RHBDF1: variants seen among roughly 807,000 people sequenced by gnomAD.
RHBDF1 encodes inactive rhomboid protein 1.
Under a neutral mutation model 98.6 loss-of-function variants are expected in RHBDF1, and 80 were observed. The ratio of observed to expected loss-of-function variants is 0.81; its 90% confidence interval spans 0.68 to 0.98. The LOEUF is 0.98. RHBDF1 is among the 50% of genes least tolerant of loss of function. RHBDF1 has a pLI of 0.00. For missense variants in RHBDF1, 1,116 were observed against 1,198.3 expected (o/e 0.93, Z 1.01); for synonymous variants, 512 against 486.8 (o/e 1.05, Z -0.68).
rs1407641863 is a variant in RHBDF1, at chr16:58,450, C to T, written c.2458G>A (p.Val820Ile). 1.2e-6 allele frequency: 2 copies of T among 1,614,078 alleles called. No homozygotes were observed. Among genetic ancestry groups the T allele is most frequent in the African/African-American group, 1.3e-5 (1 of 75,056 alleles). The change falls in exon 18 of 18, where the codon GTC (valine) becomes ATC (isoleucine). Residue 820 changes from valine (V) to isoleucine (I), a missense_variant. Physicochemically the swap from Val to Ile is conservative, Grantham distance 29. Coordinates refer to ENST00000262316, the MANE Select transcript of RHBDF1 (RefSeq NM_022450.5). ...VFLGLLAGLVVLFYVYPVRCE... is the reference protein window; with the variant it reads ...VFLGLLAGLVILFYVYPVRCE... ...CGGACAGGATAGACGTAGAAGAGGA[C>T]CACCAGGCCAGCCAGGAGGCCCAGG... is the stretch of plus-strand genomic sequence containing the variant.
In RHBDF1 at chr16:60,440, T is replaced by G. The variant is rs1441787817; in HGVS notation, c.1657A>C (p.Arg553=). 2 of 1,611,808 alleles carry G rather than the reference T, an allele frequency of 1.2e-6. No individual in the cohort carries two copies. Among genetic ancestry groups the G allele is most frequent in the African/African-American group, 1.3e-5 (1 of 74,920 alleles). The part of the protein sequence containing the change: ...QFGSVCHQDP[R]VCDEPSSEDP... ...GAGAGAGCTGCCGGCAGGACTAACC[T>G]GGGATCCTGGTGGCAGACAGAGCCA... is the stretch of plus-strand genomic sequence containing the variant. The change falls in exon 12 of 18, where the codon AGG becomes CGG. Residue 553 remains arginine (R), a splice_region_variant and synonymous_variant. Transcript: ENST00000262316.
chr16:63,142 G>C lies in RHBDF1; in HGVS notation c.503C>G (p.Ala168Gly), dbSNP rs763719641. Residue 168 changes from alanine (A) to glycine (G), a missense_variant, in exon 5 of 18, where the codon GCA (alanine) becomes GGA (glycine). Transcript: ENST00000262316. ...PLARGRAFRV[A>G]DDTAEGLSAP... The stretch of plus-strand genomic sequence containing the variant: ...ACTCAGGCCTTCCGCAGTGTCATCT[G>C]CCACACGGAAGGCACGGCCACGGGC... 37 of 1,596,666 alleles carry C rather than the reference G, an allele frequency of 2.3e-5. No individual in the cohort carries two copies. Among genetic ancestry groups the C allele is most frequent in the Non-Finnish European group, 2.9e-5 (34 of 1,172,642 alleles).
Position 59,792 on chromosome 16 carries a change from T to C in RHBDF1, c.1757A>G (p.Asn586Ser), listed in dbSNP as rs778440891. 6.2e-7 allele frequency: 1 copy of C among 1,614,102 alleles called. No homozygotes were observed. Among genetic ancestry groups the C allele is most frequent in the Admixed American group, 1.7e-5 (1 of 60,012 alleles). The change falls in exon 14 of 18, where the codon AAC becomes AGC. Residue 586 changes from asparagine (N) to serine (S), a missense_variant. Coordinates refer to ENST00000262316, the MANE Select transcript of RHBDF1 (RefSeq NM_022450.5). ...CTKNSAGNHT[N>S]HPHMDCVITG... ...GATGACACAGTCCATGTGGGGATGGTTGGTGTGGTTCCCAGCGCTGTTTTT... is the reference window on the plus strand; with the variant it reads ...GATGACACAGTCCATGTGGGGATGGCTGGTGTGGTTCCCAGCGCTGTTTTT...
chr16:61,339 C>A (rs1897611191), intron 10 of RHBDF1, 46 bp downstream of exon 10: 4 of 1,545,028 alleles, frequency 2.6e-6, no homozygotes. Context: ...CGCCGGGCAC[C>A]TCCAGGTCCC....
At position 64,050 on chromosome 16, in the gene RHBDF1, C is replaced by T. The variant is rs532540244; in HGVS notation, c.249-250G>A. Reference sequence around the variant, plus strand: ...TTGAGTGCTTCATAGAGGCCCTCACCCCACCATCCCTGAGGGGCAGTTGAG... The same window carrying T: ...TTGAGTGCTTCATAGAGGCCCTCACTCCACCATCCCTGAGGGGCAGTTGAG... On this transcript the variant is annotated intron_variant, in intron 3 of 17. Coordinates refer to ENST00000262316, the MANE Select transcript of RHBDF1 (RefSeq NM_022450.5). 54 of 665,290 alleles carry T rather than the reference C, an allele frequency of 8.1e-5. 1 individual carries two copies. Among genetic ancestry groups the T allele is most frequent in the South Asian group, 4.7e-4 (27 of 57,858 alleles). 41.2% of individuals were successfully genotyped at this position (665,290 alleles called of 1,614,324 possible).
Position 61,595 on chromosome 16 carries a change from G to A in RHBDF1, c.1310C>T (p.Thr437Met), listed in dbSNP as rs768507493. The A allele has an allele frequency of 3.1e-6, 5 of 1,613,308 alleles. No individual in the cohort carries two copies. The highest frequency in any genetic ancestry group is 3.3e-5 in the Admixed American group (2 of 60,030). ...GGCACAGGGGCTCACCGAGTCCACC[G>A]TCTCATGCTGCGAGAAGCCCACGGG... ...IAPVGFSQHE[T>M]VDSVLRNRGV... is the part of the protein sequence containing the mutation. The change falls in exon 9 of 18, where the codon ACG (threonine) becomes ATG (methionine). Residue 437 changes from threonine (T) to methionine (M), a missense_variant. Coordinates refer to ENST00000262316, the MANE Select transcript of RHBDF1 (RefSeq NM_022450.5).
At chr16:73,680 T>C (rs2141876156), upstream of RHBDF1, among the ~76,000 whole-genome samples, 1 of 152,164 alleles carries the variant, frequency 6.6e-6, no homozygotes, top group Non-Finnish European at 1.5e-5. Flanking sequence ...GATCCCTTCG[T>C]CCCATGGGTC....
chr16:61,067 G>A, intron 11 of RHBDF1, 53 bp downstream of exon 11: 2 of 1,498,462 alleles, frequency 1.3e-6, no homozygotes, highest in East Asian at 2.5e-5. Context: ...TCTGAGGTCT[G>A]AAGAGCGAAC....
chr16:58,823 T>C, intron 17 of RHBDF1, 64 bp from the exon 18 acceptor site: 1 of 1,569,376 alleles, frequency 6.4e-7, no homozygotes, highest in Non-Finnish European at 8.7e-7. Flanking sequence ...ACCCAAGGCC[T>C]CATCTTTCTG....
At chr16:66,466 G>C (rs529656079) in intron 1 of RHBDF1, among the ~76,000 whole-genome samples, 54 of 152,266 alleles carry the variant, frequency 3.5e-4, no homozygotes, top group Middle Eastern at 3.4e-3. Flanking sequence ...GCCAGCCAGG[G>C]ACAGGCCTGG....
At chr16:71,585 C>G (rs1353393557) in intron 1 of RHBDF1, among the ~76,000 whole-genome samples, 1 of 152,232 alleles carries the variant, frequency 6.6e-6, no homozygotes, top group Non-Finnish European at 1.5e-5. Flanking sequence ...GTCCCGTTGG[C>G]GGGTGGGAGT....
upstream of RHBDF1, among the ~76,000 whole-genome samples, chr16:76,072 G>A (rs1898081997): frequency 6.6e-6 from 1 of 152,174 alleles, no homozygotes; most frequent in South Asian, 2.1e-4. Context: ...GGCCTATTGT[G>A]GAGGTCGGGG....
chr16:59,781 T>C lies in RHBDF1; in HGVS notation c.1768A>G (p.Met590Val), dbSNP rs780636761. The C allele has an allele frequency of 8.1e-6, 13 of 1,614,138 alleles. No homozygotes were observed. The highest frequency in any genetic ancestry group is 1.0e-5 in the Non-Finnish European group (12 of 1,180,018). The change falls in exon 14 of 18, where the codon ATG (methionine) becomes GTG (valine). Residue 590 changes from methionine (M) to valine (V), a missense_variant. Met to Val is a conservative substitution (Grantham distance 21). Coordinates refer to ENST00000262316, the MANE Select transcript of RHBDF1 (RefSeq NM_022450.5). ...SAGNHTNHPH[M>V]DCVITGRPCC... ...GGCCGTCCTGTGATGACACAGTCCA[T>C]GTGGGGATGGTTGGTGTGGTTCCCA...
chr16:60,115 G>T, intron 13 of RHBDF1, 101 bp downstream of exon 13: 1 of 1,587,584 alleles, frequency 6.3e-7, no homozygotes. Flanking sequence ...ACGTGAGGTG[G>T]TCCCATGATG....
At chr16:64,243 G>A in intron 3 of RHBDF1, 1 of 1,333,204 alleles carries the variant, frequency 7.5e-7, no homozygotes. Context: ...GGAGCCCCAG[G>A]GAATGCCAAC....
chr16:64,399 A>G, intron 3 of RHBDF1: 1 of 1,395,398 alleles, frequency 7.2e-7, no homozygotes, highest in Non-Finnish European at 9.5e-7. Context: ...GGGACCCAAG[A>G]GGGGCAGAGT....
upstream of RHBDF1, chr16:73,991 G>C (rs1036928456): frequency 1.0e-6 from 1 of 972,572 alleles, no homozygotes; most frequent in South Asian, 4.8e-5. Flanking sequence ...GGCGGTGCCT[G>C]CACATAATGG....
rs552723083 is a variant in RHBDF1, at chr16:59,612, C to T, written c.1818-118G>A. Reference sequence around the variant, plus strand: ...GTTGGCCCCAAGGAAGTCCAGACCCCCTCTAACCCCACATCCTTGGTATAC... The same window carrying T: ...GTTGGCCCCAAGGAAGTCCAGACCCTCTCTAACCCCACATCCTTGGTATAC... On this transcript the variant is annotated intron_variant, in intron 14 of 17. Coordinates refer to ENST00000262316, the MANE Select transcript of RHBDF1 (RefSeq NM_022450.5). 3.3e-5 allele frequency: 49 copies of T among 1,478,492 alleles called. No homozygotes were observed. In the South Asian group the frequency reaches 5.7e-4, roughly 17 times the overall value. 91.6% of individuals were successfully genotyped at this position (1,478,492 alleles called of 1,614,324 possible).
rs1241432396 is a variant in RHBDF1 at position 62,048 on chromosome 16, A to G, written c.958T>C (p.Leu320=). The G allele has an allele frequency of 3.4e-6, 5 of 1,459,168 alleles. No individual in the cohort carries two copies. The highest frequency in any genetic ancestry group is 2.5e-4 in the Middle Eastern group (1 of 3,992). 90.4% of individuals were successfully genotyped at this position (1,459,168 alleles called of 1,614,324 possible). A position where few individuals can be genotyped will look rare whatever the true frequency, so the allele number is the denominator to read the frequency against. The change falls in exon 8 of 18, where the codon TTG becomes CTG. Residue 320 remains leucine (L), a synonymous_variant. Coordinates refer to ENST00000262316, the MANE Select transcript of RHBDF1 (RefSeq NM_022450.5). ...TTCTGCTTCCGCCAGCCTCGCTCCA[A>G]GGGCCTGGAGGGAGCCGGCATTCAC... The part of the protein sequence containing the change: ...ELERSHLMLP[L]ERGWRKQKEG...
Sources: gnomAD v4.1 joint callset for allele counts (sites outside exome capture counted in the v4.1 genomes callset) on GRCh38, gnomAD v4.1.1 for gene constraint, MANE v1.5 for transcripts, NCBI Gene and HGNC (gene_info 2026-07-23, HGNC 2026-07-21) for gene names.